Variants in PIK3R4 observed in about 807,000 individuals in gnomAD.
PIK3R4 encodes the protein phosphoinositide 3-kinase regulatory subunit 4.
A neutral mutation model predicts 136.5 loss-of-function variants in PIK3R4; 46 were observed. The observed-to-expected ratio is 0.34, with a 90% confidence interval of 0.27 to 0.43. PIK3R4 has a LOEUF of 0.43. Among genes scored for constraint, PIK3R4 ranks in the 20% least tolerant of loss-of-function variants. The pLI is 1.00. For missense variants in PIK3R4, 1,331 were observed against 1,649.5 expected, an observed-to-expected ratio of 0.81 and a Z score of 3.35; for synonymous variants, 557 against 566.7, an observed-to-expected ratio of 0.98 and a Z score of 0.24.
chr3:130,681,101 A>G lies in PIK3R4; in HGVS notation c.3709-36T>C, dbSNP rs147839194. 2.1e-4 allele frequency: 230 copies of G among 1,098,762 alleles called. No individual in the cohort carries two copies. In the African/African-American group the frequency reaches 3.2e-3, roughly 15 times the overall value. The allele number at this position is 1,098,762 out of a possible 1,614,324, so 68.1% of individuals were successfully genotyped here. A position where few individuals can be genotyped will look rare whatever the true frequency, so the allele number is the denominator to read the frequency against. ...ATAGATGTGGAGTCAAATAAAAGAC[A>G]TCCGTGTATTCCATAAATGATAGTG... On this transcript the variant is annotated intron_variant, in intron 17 of 19. Transcript: ENST00000356763.
intron 6 of PIK3R4, among the ~76,000 whole-genome samples, chr3:130,724,525 C>T (rs916949348): frequency 6.6e-6 from 1 of 151,994 alleles, no homozygotes; most frequent in African/African-American, 2.4e-5. Flanking sequence ...ACATAAAAGA[C>T]TTCATTGTGT....
chr3:130,724,450 A>C (rs1195206179), intron 6 of PIK3R4, among the ~76,000 whole-genome samples: 3 of 152,142 alleles, frequency 2.0e-5, no homozygotes, highest in African/African-American at 7.2e-5. Context: ...ACTTGGCTCC[A>C]CAGTCAATAA....
At chr3:130,713,672 GT>G (rs2066644461) in intron 9 of PIK3R4, among the ~76,000 whole-genome samples, 1 of 152,064 alleles carries the variant, frequency 6.6e-6, no homozygotes. Flanking sequence ...CAAGATTAAG[GT>G]TTGTTTTGTT....
chr3:130,726,527 A>G (rs1311368352), intron 6 of PIK3R4, among the ~76,000 whole-genome samples: 1 of 152,160 alleles, frequency 6.6e-6, no homozygotes, highest in East Asian at 1.9e-4. Flanking sequence ...GTATAGCTCC[A>G]CAATGCCTGC....
intron 5 of PIK3R4, 84 bp downstream of exon 5, chr3:130,730,224 G>T: frequency 8.7e-7 from 1 of 1,150,848 alleles, no homozygotes; most frequent in Non-Finnish European, 1.3e-6. Flanking sequence ...CACCTTACAT[G>T]AAAACTACAA....
intron 13 of PIK3R4, among the ~76,000 whole-genome samples, chr3:130,697,069 T>TC (rs2066550123): frequency 7.6e-6 from 1 of 131,848 alleles, no homozygotes; most frequent in African/African-American, 2.8e-5. Flanking sequence ...CCAGCTTTTT[T>TC]TTTTTTTTTT....
chr3:130,731,089 C>T (rs1225820028), intron 4 of PIK3R4, among the ~76,000 whole-genome samples: 1 of 152,198 alleles, frequency 6.6e-6, no homozygotes, highest in Non-Finnish European at 1.5e-5. Flanking sequence ...TGATATTCCT[C>T]ACCACTACAA....
Position 130,739,494 on chromosome 3 carries a change from C to T in PIK3R4, c.734-3492G>A, listed in dbSNP as rs1020944301. Among the ~76,000 whole-genome samples, 56 of 152,132 alleles carry T rather than the reference C, an allele frequency of 3.7e-4. 1 individual carries two copies. Among genetic ancestry groups the T allele is most frequent in the Admixed American group, 7.2e-4 (11 of 15,278 alleles). On this transcript the variant is annotated intron_variant, in intron 2 of 19. Coordinates refer to ENST00000356763, the MANE Select transcript of PIK3R4 (RefSeq NM_014602.3). ...TCAGGTGATCCTCCCATCTCAGCTT[C>T]CCGGGTAGCTGGGACTACAGGTGTA...
chr3:130,706,559 A>T (rs1470003489), intron 11 of PIK3R4, among the ~76,000 whole-genome samples: 1 of 152,204 alleles, frequency 6.6e-6, no homozygotes, highest in East Asian at 1.9e-4. Context: ...GACATTTATC[A>T]CACGTAGGAA....
At position 130,679,369 on chromosome 3, in the gene PIK3R4, T is replaced by C. The variant is rs200858388; in HGVS notation, c.4023A>G (p.Thr1341=). 6.2e-7 allele frequency: 1 copy of C among 1,613,344 alleles called. No individual in the cohort carries two copies. Among genetic ancestry groups the C allele is most frequent in the African/African-American group, 1.3e-5 (1 of 75,030 alleles). ...TAGAAGCAGTTACGATGAAGCCCTG[T>C]GTGGTCTGGAATGTGGCGACATCAG... ...IITDVATFQT[T]QGFIVTASRD... The change falls in exon 20 of 20, where the codon ACA becomes ACG. Residue 1341 remains threonine (T), a synonymous_variant. Coordinates refer to ENST00000356763, the MANE Select transcript of PIK3R4 (RefSeq NM_014602.3).
At chr3:130,738,859 A>C (rs2066802037) in intron 2 of PIK3R4, among the ~76,000 whole-genome samples, 1 of 152,224 alleles carries the variant, frequency 6.6e-6, no homozygotes, top group Non-Finnish European at 1.5e-5. Flanking sequence ...AATAATAAAT[A>C]AATAAATAAA....
intron 14 of PIK3R4, among the ~76,000 whole-genome samples, chr3:130,687,193 G>A (rs1281609061): frequency 6.6e-6 from 1 of 151,954 alleles, no homozygotes; most frequent in African/African-American, 2.4e-5. Flanking sequence ...TAGCCTGATG[G>A]TAATTTTGTA....
rs1050263956 is a variant in PIK3R4 at position 130,721,388 on chromosome 3, C to T, written c.1981+2026G>A. Among the ~76,000 whole-genome samples the T allele has an allele frequency of 6.3e-4, 95 of 151,992 alleles. 1 individual carries two copies. Among genetic ancestry groups the T allele is most frequent in the Non-Finnish European group, 8.1e-4 (55 of 67,990 alleles). On this transcript the variant is annotated intron_variant, in intron 7 of 19. Transcript: ENST00000356763. ...GGAACTACCTGTGATCTTGCAATCC[C>T]TCTTTGGGGTATACATCCAAAGGAA... is the stretch of plus-strand genomic sequence containing the variant.
chr3:130,718,989 C>T (rs2066683308), intron 7 of PIK3R4, among the ~76,000 whole-genome samples: 2 of 152,082 alleles, frequency 1.3e-5, no homozygotes, highest in Admixed American at 1.3e-4. Flanking sequence ...ATTTACTTCT[C>T]CAAGCTACAG....
At chr3:130,693,608 GCTTTTT>G (rs2066531203) in intron 13 of PIK3R4, among the ~76,000 whole-genome samples, 1 of 152,044 alleles carries the variant, frequency 6.6e-6, no homozygotes, top group Non-Finnish European at 1.5e-5. Context: ...CACATCATTT[GCTTTTT>G]AATTGGGTCA....
At chr3:130,726,190 G>A (rs1416634260) in intron 6 of PIK3R4, among the ~76,000 whole-genome samples, 1 of 151,602 alleles carries the variant, frequency 6.6e-6, no homozygotes, top group African/African-American at 2.4e-5. Flanking sequence ...ATATCCAAAA[G>A]GGTTAAATTT....
chr3:130,718,220 T>G (rs975297601), intron 8 of PIK3R4, among the ~76,000 whole-genome samples, 169 bp downstream of exon 8: 1 of 152,190 alleles, frequency 6.6e-6, no homozygotes, highest in African/African-American at 2.4e-5. Flanking sequence ...TTTTCTGACC[T>G]TCAAAGGTGC....
Position 130,739,413 on chromosome 3 carries a change from C to T in PIK3R4, c.734-3411G>A, listed in dbSNP as rs1346353106. 2.0e-5 allele frequency among the ~76,000 whole-genome samples: 3 copies of T among 151,920 alleles called. No individual in the cohort carries two copies. In the East Asian group the frequency reaches 5.8e-4, roughly 29 times the overall value. The stretch of plus-strand genomic sequence containing the variant: ...TTGATACAAGGTCTCACTCTGTCAC[C>T]CAGCCTGGAGTGCAGTGGTGTGATC... On this transcript the variant is annotated intron_variant, in intron 2 of 19. Transcript: ENST00000356763.
At chr3:130,733,248 A>T (rs189474119) in intron 4 of PIK3R4, among the ~76,000 whole-genome samples, 1 of 152,330 alleles carries the variant, frequency 6.6e-6, no homozygotes, top group Non-Finnish European at 1.5e-5. Context: ...AGGCCTAAAG[A>T]CACTAGATCA....
Sources: gnomAD v4.1 joint callset for allele counts (sites outside exome capture counted in the v4.1 genomes callset) on GRCh38, gnomAD v4.1.1 for gene constraint, MANE v1.5 for transcripts, NCBI Gene and HGNC (gene_info 2026-07-23, HGNC 2026-07-21) for gene names.